The following RNF212 variants were observed in gnomAD, a reference collection of about 807,000 sequenced individuals.
The protein encoded by RNF212 is probable E3 SUMO-protein ligase RNF212.
RNF212 carries 33 observed loss-of-function variants against 34.7 expected under a neutral mutation model. The ratio of observed to expected loss-of-function variants is 0.95; its 90% CI spans 0.72 to 1.27. RNF212 has a LOEUF of 1.27. Among genes scored for constraint, RNF212 ranks in the 50% most tolerant of loss-of-function variants. RNF212 has a pLI of 0.00. For synonymous variants in RNF212, 140 were observed against 136.1 expected (o/e 1.03, Z -0.20); for missense variants, 377 against 362.2 (o/e 1.04, Z -0.33).
At chr4:1,082,626 C>T (rs1225101847) in intron 5 of RNF212, among the ~76,000 whole-genome samples, 4 of 152,226 alleles carry the variant, frequency 2.6e-5, no homozygotes, top group African/African-American at 9.6e-5. Context: ...ACATCCTCAC[C>T]CAGAGTCACT....
intron 9 of RNF212, 127 bp from the exon 10 acceptor site, chr4:1,073,320 A>G (rs1034217112): frequency 1.6e-6 from 2 of 1,289,472 alleles, no homozygotes; most frequent in Non-Finnish European, 2.1e-6. Context: ...ATTACCAGGA[A>G]GCAAACCCAG....
intron 2 of RNF212, among the ~76,000 whole-genome samples, chr4:1,103,762 A>T (rs1240534357): frequency 6.6e-6 from 1 of 152,198 alleles, no homozygotes; most frequent in African/African-American, 2.4e-5. Context: ...CTTAGCAAAA[A>T]CTTGATGCAC....
intron 1 of RNF212, among the ~76,000 whole-genome samples, chr4:1,111,556 C>T (rs906676855): frequency 5.3e-5 from 8 of 152,208 alleles, no homozygotes; most frequent in Non-Finnish European, 1.2e-4. Flanking sequence ...TTGTCTCCGA[C>T]TCATGTCTGC....
chr4:1,080,207 C>T (rs1040923604), intron 7 of RNF212, among the ~76,000 whole-genome samples: 5 of 152,234 alleles, frequency 3.3e-5, no homozygotes, highest in African/African-American at 1.2e-4. Flanking sequence ...CCTAGCCCTG[C>T]CATCCTTATG....
chr4:1,109,025 T>TTTG (rs1725252732), intron 1 of RNF212, among the ~76,000 whole-genome samples: 1 of 150,790 alleles, frequency 6.6e-6, no homozygotes, highest in African/African-American at 2.4e-5. Context: ...TTTTTTTTTT[T>TTTG]GAGACAGAGT....
At chr4:1,074,287 A>G (rs1251404325) in intron 8 of RNF212, among the ~76,000 whole-genome samples, 1 of 152,110 alleles carries the variant, frequency 6.6e-6, no homozygotes, top group African/African-American at 2.4e-5. Context: ...TGCTACTTCT[A>G]GTTGCTGCCC....
At chr4:1,066,050 A>AT (rs1718073051) in intron 3 of RNF212, among the ~76,000 whole-genome samples, 1 of 48,814 alleles carries the variant, frequency 2.0e-5, no homozygotes, top group Non-Finnish European at 3.9e-5. Context: ...AGCCATCCTA[A>AT]TGGCTGTTTA....
At chr4:1,085,744 T>G in intron 5 of RNF212, 152 bp downstream of exon 5, 1 of 659,316 alleles carries the variant, frequency 1.5e-6, no homozygotes, top group Non-Finnish European at 2.7e-6. Context: ...TCCCACAGCA[T>G]TTTTGCTCTG....
chr4:1,095,096 A>AC (rs1722839245), intron 3 of RNF212, among the ~76,000 whole-genome samples: 1 of 149,724 alleles, frequency 6.7e-6, no homozygotes, highest in Admixed American at 6.7e-5. Context: ...AACCAAGCAC[A>AC]CTCCCCACAG....
At chr4:1,079,529 C>T in intron 8 of RNF212, 114 bp downstream of exon 8, 1 of 789,974 alleles carries the variant, frequency 1.3e-6, no homozygotes, top group Admixed American at 1.7e-5. Context: ...AGCAGCAGCA[C>T]TGTGCAAAGT....
intron 4 of RNF212, chr4:1,056,557 A>C: frequency 1.1e-6 from 1 of 881,596 alleles, no homozygotes; most frequent in Non-Finnish European, 1.4e-6. Flanking sequence ...AGGTGGGGAG[A>C]AGAGTTTATT....
intron 3 of RNF212, among the ~76,000 whole-genome samples, chr4:1,060,026 G>A (rs10084888): frequency 6.6e-6 from 1 of 150,662 alleles, no homozygotes; most frequent in Non-Finnish European, 1.5e-5. Flanking sequence ...CCTGGGAGGC[G>A]GAGGTTAGGT....
At position 1,092,185 on chromosome 4, in the gene RNF212, C is replaced by T. The variant is rs575210244; in HGVS notation, c.247-1347G>A. ...GTTCGTGGAGGAACCTACCAGCAGA[C>T]GCGCCTCATCCCGGCTGTGGGGGTG... On this transcript the variant is annotated intron_variant, in intron 3 of 9. Transcript: ENST00000433731. Among the ~76,000 whole-genome samples, 9 of 152,364 alleles carry T rather than the reference C, an allele frequency of 5.9e-5. No homozygotes were observed. The East Asian group carries it at 7.7e-4, about 13-fold the overall frequency.
At chr4:1,092,553 C>T (rs1722353194) in intron 3 of RNF212, among the ~76,000 whole-genome samples, 1 of 152,194 alleles carries the variant, frequency 6.6e-6, no homozygotes, top group Admixed American at 6.5e-5. Context: ...ACTTGAGACA[C>T]TGGGTGTGGC....
chr4:1,093,555 G>T, intron 3 of RNF212: 1 of 709,672 alleles, frequency 1.4e-6, no homozygotes, highest in Non-Finnish European at 1.9e-6. Flanking sequence ...CACGGCCCAT[G>T]CCGGAAGCCT....
intron 3 of RNF212, among the ~76,000 whole-genome samples, chr4:1,059,667 C>T (rs1194863205): frequency 1.3e-5 from 2 of 152,254 alleles, no homozygotes; most frequent in Non-Finnish European, 2.9e-5. Flanking sequence ...TTCCTCATAG[C>T]CGTTGCCTCC....
rs1163459788 is a variant in RNF212 at position 1,090,765 on chromosome 4, G to A, written c.303+17C>T. The A allele has an allele frequency of 6.9e-7, 1 of 1,448,042 alleles. No homozygotes were observed. The highest frequency in any genetic ancestry group is 1.7e-5 in the Admixed American group (1 of 58,000). The allele number at this position is 1,448,042 out of a possible 1,614,324, so 89.7% of individuals were successfully genotyped here. A position where few individuals can be genotyped will look rare whatever the true frequency, so the allele number is the denominator to read the frequency against. ...AGGTCAAAAAAATTCAAGTGGCAAT[G>A]AATCAATTCCACTTACCTTTTCTCT... On this transcript the variant is annotated intron_variant, in intron 4 of 9. Transcript: ENST00000433731.
chr4:1,111,128 T>C (rs56173468), intron 1 of RNF212, among the ~76,000 whole-genome samples: 7,572 of 152,260 alleles, frequency 0.05, 652 homozygotes, highest in African/African-American at 0.17. Context: ...ACTGGTCCAA[T>C]GGACACTTTC....
chr4:1,093,862 TC>T (rs1560139653), intron 3 of RNF212: 1 of 1,536,210 alleles, frequency 6.5e-7, no homozygotes, highest in South Asian at 1.2e-5. Context: ...ACCGCCGGCA[TC>T]CTGGTCTGGG....
Sources: gnomAD v4.1 joint callset for allele counts (sites outside exome capture counted in the v4.1 genomes callset) on GRCh38, gnomAD v4.1.1 for gene constraint, MANE v1.5 for transcripts, NCBI Gene and HGNC (gene_info 2026-07-23, HGNC 2026-07-21) for gene names.